Variants in CACNA2D3 observed in about 807,000 individuals in gnomAD.
The protein encoded by CACNA2D3 is calcium voltage-gated channel auxiliary subunit alpha2delta 3.
Under a neutral mutation model 160.6 loss-of-function variants are expected in CACNA2D3, and 60 were observed. That is an observed-to-expected ratio of 0.37 (90% CI 0.30 to 0.46). CACNA2D3 has a LOEUF of 0.46. CACNA2D3 is among the 20% of genes least tolerant of loss of function. The probability of loss-of-function intolerance (pLI) is 1.00; values close to 1 mark genes in which losing one functional copy is unlikely to be tolerated. For missense variants in CACNA2D3, 1,205 were observed against 1,365.0 expected (o/e 0.88, Z 1.85); for synonymous variants, 558 against 492.9 (o/e 1.13, Z -1.75).
chr3:54,535,437 A>C (rs1464345391), intron 5 of CACNA2D3, among the ~76,000 whole-genome samples: 1 of 152,174 alleles, frequency 6.6e-6, no homozygotes, highest in African/African-American at 2.4e-5. Context: ...TCATAAACTT[A>C]CCATTTTATT....
rs201663679 is a variant in CACNA2D3, at chr3:54,736,024, C to CAT, written c.1168-16566_1168-16565dup. The stretch of plus-strand genomic sequence containing the variant: ...ATATATATGTATATATATACACATA[C>CAT]ATATATATATGTATATATATACACA... On this transcript the variant is annotated intron_variant, in intron 11 of 37. Coordinates refer to ENST00000474759, the MANE Select transcript of CACNA2D3 (RefSeq NM_018398.3). 1.1e-3 allele frequency among the ~76,000 whole-genome samples: 72 copies of CAT among 65,258 alleles called. 8 individuals carry two copies. Among genetic ancestry groups the CAT allele is most frequent in the Non-Finnish European group, 1.8e-3 (62 of 33,750 alleles). 42.8% of individuals were successfully genotyped at this position (65,258 alleles called of 152,430 possible).
chr3:54,594,881 A>T (rs943660802), intron 9 of CACNA2D3, among the ~76,000 whole-genome samples: 2 of 152,176 alleles, frequency 1.3e-5, no homozygotes, highest in African/African-American at 4.8e-5. Context: ...AGTTTAAGAG[A>T]CACATGCGGG....
At chr3:54,824,902 A>G (rs1046696667) in intron 14 of CACNA2D3, among the ~76,000 whole-genome samples, 3 of 152,196 alleles carry the variant, frequency 2.0e-5, no homozygotes, top group African/African-American at 7.2e-5. Context: ...AAAATAGGCA[A>G]AAAGAACTTG....
chr3:54,903,941 T>C (rs574355963), intron 27 of CACNA2D3, among the ~76,000 whole-genome samples: 1 of 152,370 alleles, frequency 6.6e-6, no homozygotes, highest in East Asian at 1.9e-4. Flanking sequence ...AAGTTCCTTA[T>C]AGATACTGGA....
chr3:54,511,415 T>C (rs79035068), intron 5 of CACNA2D3, among the ~76,000 whole-genome samples: 2,946 of 152,314 alleles, frequency 0.019, 70 homozygotes, highest in East Asian at 0.086. Flanking sequence ...TCTAAGGATG[T>C]TGTTGAATTG....
intron 6 of CACNA2D3, among the ~76,000 whole-genome samples, chr3:54,566,192 A>G (rs997385817): frequency 6.6e-6 from 1 of 152,184 alleles, no homozygotes; most frequent in Non-Finnish European, 1.5e-5. Context: ...ACAGAGCCAT[A>G]GTCCCTTTAT....
chr3:54,386,841 A>T lies in CACNA2D3; in HGVS notation c.381+67A>T. ...CTGCCAAAGGACAAGTACCAGGTAT[A>T]CCAGGAATACTGATTTTTCAGTGAT... On this transcript the variant is annotated intron_variant, in intron 4 of 37. Coordinates refer to ENST00000474759, the MANE Select transcript of CACNA2D3 (RefSeq NM_018398.3). 3 of 1,366,434 alleles carry T rather than the reference A, an allele frequency of 2.2e-6. No individual in the cohort carries two copies. In the Admixed American group the frequency reaches 6.5e-5, roughly 30 times the overall value. 84.6% of individuals were successfully genotyped at this position (1,366,434 alleles called of 1,614,324 possible). A position where few individuals can be genotyped will look rare whatever the true frequency, so the allele number is the denominator to read the frequency against.
At chr3:54,835,205 T>C (rs1031564668) in intron 14 of CACNA2D3, among the ~76,000 whole-genome samples, 1 of 152,152 alleles carries the variant, frequency 6.6e-6, no homozygotes, top group African/African-American at 2.4e-5. Context: ...GTAAAACTTA[T>C]AAAAGCATGG....
rs1701807631 is a variant in CACNA2D3, at chr3:54,953,472, C to T, written c.2450-14978C>T. On this transcript the variant is annotated intron_variant, in intron 27 of 37. Coordinates refer to ENST00000474759, the MANE Select transcript of CACNA2D3 (RefSeq NM_018398.3). ...ATAGCACTGGGCCAAGATCATGGGA[C>T]GCAGCTGAAGCCTTCGCGCTTGGTG... 5.3e-5 allele frequency among the ~76,000 whole-genome samples: 8 copies of T among 152,172 alleles called. No homozygotes were observed. The South Asian group carries it at 1.4e-3, about 28-fold the overall frequency.
chr3:54,544,431 T>C (rs575102502), intron 5 of CACNA2D3, among the ~76,000 whole-genome samples: 1 of 151,172 alleles, frequency 6.6e-6, no homozygotes, highest in South Asian at 2.1e-4. Flanking sequence ...AGATACAGGG[T>C]CATATTCTGT....
chr3:54,817,767 A>T (rs933788859), intron 14 of CACNA2D3, among the ~76,000 whole-genome samples: 4 of 152,214 alleles, frequency 2.6e-5, no homozygotes, highest in African/African-American at 9.6e-5. Flanking sequence ...CCATATGGAC[A>T]ACCAGAGGCC....
chr3:54,902,340 G>A (rs1436966031), intron 27 of CACNA2D3, among the ~76,000 whole-genome samples: 1 of 152,014 alleles, frequency 6.6e-6, no homozygotes, highest in African/African-American at 2.4e-5. Flanking sequence ...TCTCTTTTGT[G>A]TGTTTTCTTT....
chr3:54,872,860 T>C (rs1305934505), intron 18 of CACNA2D3, among the ~76,000 whole-genome samples: 7 of 152,172 alleles, frequency 4.6e-5, no homozygotes, highest in Non-Finnish European at 1.0e-4. Context: ...GTCAGCTCAA[T>C]AGCATGGTCG....
chr3:54,945,534 G>A (rs1701590577), intron 27 of CACNA2D3, among the ~76,000 whole-genome samples: 1 of 152,168 alleles, frequency 6.6e-6, no homozygotes, highest in African/African-American at 2.4e-5. Context: ...CTTTGAGGAG[G>A]CCTGGACTTC....
intron 11 of CACNA2D3, among the ~76,000 whole-genome samples, chr3:54,705,191 A>G (rs1016877655): frequency 3.3e-5 from 5 of 152,178 alleles, no homozygotes; most frequent in African/African-American, 1.2e-4. Flanking sequence ...ACATTTTGCC[A>G]TATCAATTTC....
chr3:54,455,196 A>G lies in CACNA2D3; in HGVS notation c.382-48296A>G, dbSNP rs57431449. 9.4e-3 allele frequency among the ~76,000 whole-genome samples: 1,430 copies of G among 152,208 alleles called. 22 individuals carry two copies. The highest frequency in any genetic ancestry group is 0.033 in the African/African-American group (1,350 of 41,522). ...TACTGTTTTCCATAATGTCTGTACTAATTTACATTCCCACCAACACTGTAT... is the reference window on the plus strand; with the variant it reads ...TACTGTTTTCCATAATGTCTGTACTGATTTACATTCCCACCAACACTGTAT... On this transcript the variant is annotated intron_variant, in intron 4 of 37. Transcript: ENST00000474759.
At chr3:54,149,188 G>A (rs549847862) in intron 2 of CACNA2D3, among the ~76,000 whole-genome samples, 1 of 151,376 alleles carries the variant, frequency 6.6e-6, no homozygotes, top group South Asian at 2.1e-4. Flanking sequence ...GAGCAAAATC[G>A]CAATGTCCTC....
At chr3:54,470,820 GC>G (rs1559491037) in intron 4 of CACNA2D3, among the ~76,000 whole-genome samples, 1 of 152,012 alleles carries the variant, frequency 6.6e-6, no homozygotes, top group Non-Finnish European at 1.5e-5. Flanking sequence ...ACAAATAAGG[GC>G]ATTACATAAT....
rs1232760135 is a variant in CACNA2D3, at chr3:54,968,312, T to C, written c.2450-138T>C. ...TCTTTACCTGAAAGATAAAATGTTT[T>C]AGTTGTATGCTTCACTGTACATTTT... On this transcript the variant is annotated intron_variant, in intron 27 of 37. Coordinates refer to ENST00000474759, the MANE Select transcript of CACNA2D3 (RefSeq NM_018398.3). 4.8e-6 allele frequency: 3 copies of C among 620,810 alleles called. No individual in the cohort carries two copies. In the African/African-American group the frequency reaches 5.5e-5, roughly 11 times the overall value. The allele number at this position is 620,810 out of a possible 1,614,324, so 38.5% of individuals were successfully genotyped here.
Sources: allele counts gnomAD v4.1 joint callset (sites outside exome capture counted in the v4.1 genomes callset), GRCh38; gene constraint gnomAD v4.1.1; transcripts MANE v1.5; gene names NCBI Gene and HGNC (gene_info 2026-07-23, HGNC 2026-07-21).